Variants in GPC5 observed in about 807,000 individuals in gnomAD.
The protein encoded by GPC5 is glypican 5.
In GPC5, 47 loss-of-function variants were observed where a neutral mutation model predicts 53.9. That is an observed-to-expected ratio of 0.87 (90% CI 0.69 to 1.11). The LOEUF is 1.11. GPC5 is among the 50% of genes most tolerant of loss of function. The pLI, the probability that GPC5 is intolerant of heterozygous loss-of-function variation, is 0.00. For missense variants in GPC5, 748 were observed against 713.1 expected (o/e 1.05, Z -0.56); for synonymous variants, 286 against 263.3 (o/e 1.09, Z -0.84).
intron 2 of GPC5, among the ~76,000 whole-genome samples, chr13:91,562,709 A>C (rs981220555): frequency 6.8e-6 from 1 of 148,128 alleles, no homozygotes; most frequent in Non-Finnish European, 1.5e-5. Flanking sequence ...ATGAGCCACC[A>C]CGCCTGGCCA....
chr13:91,593,899 C>T (rs893988578), intron 2 of GPC5, among the ~76,000 whole-genome samples: 2 of 148,862 alleles, frequency 1.3e-5, no homozygotes, highest in Non-Finnish European at 3.0e-5. Context: ...GAAATGTGCT[C>T]TCACAAAGAA....
rs552057146 is a variant in GPC5, at chr13:91,798,304, G to A, written c.1280+41884G>A. On this transcript the variant is annotated intron_variant, in intron 5 of 7. Coordinates refer to ENST00000377067, the MANE Select transcript of GPC5 (RefSeq NM_004466.6). ...CCATCACCTAGGTATTAAGCCCAAC[G>A]TCCATTAGCTAGCTATTCTTCTTGA... Among the ~76,000 whole-genome samples, 15 of 152,218 alleles carry A rather than the reference G, an allele frequency of 9.9e-5. No individual in the cohort carries two copies. The East Asian group carries it at 1.9e-3, about 20-fold the overall frequency.
At chr13:91,754,997 A>G (rs2037259292) in intron 4 of GPC5, among the ~76,000 whole-genome samples, 1 of 152,122 alleles carries the variant, frequency 6.6e-6, no homozygotes, top group African/African-American at 2.4e-5. Context: ...CTGAGTTTTG[A>G]TGTTACATAT....
intron 6 of GPC5, among the ~76,000 whole-genome samples, chr13:91,909,271 A>C (rs2039586769): frequency 6.6e-6 from 1 of 152,240 alleles, no homozygotes; most frequent in Non-Finnish European, 1.5e-5. Flanking sequence ...GGTACCTCAC[A>C]GTATCGTCCA....
At chr13:92,442,958 T>C (rs1225840162) in intron 7 of GPC5, among the ~76,000 whole-genome samples, 1 of 152,188 alleles carries the variant, frequency 6.6e-6, no homozygotes, top group Non-Finnish European at 1.5e-5. Flanking sequence ...TATGCAACTG[T>C]GTTAGACTGT....
In GPC5 at chr13:92,272,008, C is replaced by G. The variant is rs187062160; in HGVS notation, c.1561+127019C>G. ...TCATCTGATTGTTTATTTTGGGGCT[C>G]AAAGTCTTATTTGGCAAACCTACAT... is the stretch of plus-strand genomic sequence containing the variant. On this transcript the variant is annotated intron_variant, in intron 7 of 7. Coordinates refer to ENST00000377067, the MANE Select transcript of GPC5 (RefSeq NM_004466.6). 1.4e-3 allele frequency among the ~76,000 whole-genome samples: 207 copies of G among 152,236 alleles called. 1 individual carries two copies. Among genetic ancestry groups the G allele is most frequent in the African/African-American group, 4.6e-3 (192 of 41,554 alleles).
intron 7 of GPC5, among the ~76,000 whole-genome samples, chr13:92,216,039 C>T (rs2042407336): frequency 1.3e-5 from 2 of 152,134 alleles, no homozygotes; most frequent in African/African-American, 4.8e-5. Flanking sequence ...TAGGCACAAG[C>T]TCCCTAAACC....
At chr13:91,711,455 G>C (rs753184041) in intron 3 of GPC5, among the ~76,000 whole-genome samples, 14 of 152,014 alleles carry the variant, frequency 9.2e-5, no homozygotes, top group African/African-American at 3.4e-4. Flanking sequence ...GGCCTGTCAG[G>C]GGGTGGGGGA....
At chr13:91,999,324 T>A (rs1428646904) in intron 6 of GPC5, among the ~76,000 whole-genome samples, 1 of 152,164 alleles carries the variant, frequency 6.6e-6, no homozygotes, top group Non-Finnish European at 1.5e-5. Context: ...AAATTCAGAA[T>A]GTGAGAAGGT....
chr13:92,090,333 A>C (rs1025429403), intron 6 of GPC5, among the ~76,000 whole-genome samples: 3 of 152,132 alleles, frequency 2.0e-5, no homozygotes, highest in Non-Finnish European at 4.4e-5. Context: ...TGTAACACCC[A>C]ATATGATGAT....
chr13:92,539,223 C>A (rs1303026559), intron 7 of GPC5, among the ~76,000 whole-genome samples: 1 of 151,518 alleles, frequency 6.6e-6, no homozygotes, highest in African/African-American at 2.4e-5. Flanking sequence ...ATATCTAGTT[C>A]TAGATCCTTG....
intron 6 of GPC5, among the ~76,000 whole-genome samples, chr13:91,973,535 G>A (rs1221349328): frequency 1.3e-5 from 2 of 152,212 alleles, no homozygotes; most frequent in Non-Finnish European, 2.9e-5. Context: ...TGGAGGAGGA[G>A]AGGCACTCTG....
chr13:92,116,044 C>T (rs1165184716), intron 6 of GPC5, among the ~76,000 whole-genome samples: 2 of 151,974 alleles, frequency 1.3e-5, no homozygotes, highest in Non-Finnish European at 2.9e-5. Context: ...TGAGCCCAGA[C>T]ATTCAAGACC....
In GPC5 at chr13:91,428,696, T is replaced by C. The variant is rs1278040514; in HGVS notation, c.164-20065T>C. 2.0e-5 allele frequency among the ~76,000 whole-genome samples: 3 copies of C among 152,156 alleles called. No homozygotes were observed. The East Asian group carries it at 5.8e-4, about 29-fold the overall frequency. ...TATTTGATGAGAACTTCCTGTATTCTTTTTTTAAATCTCGAAATTCAAGAA... is the reference window on the plus strand; with the variant it reads ...TATTTGATGAGAACTTCCTGTATTCCTTTTTTAAATCTCGAAATTCAAGAA... On this transcript the variant is annotated intron_variant, in intron 1 of 7. Coordinates refer to ENST00000377067, the MANE Select transcript of GPC5 (RefSeq NM_004466.6).
chr13:92,288,074 A>G (rs2042968651), intron 7 of GPC5, among the ~76,000 whole-genome samples: 1 of 151,918 alleles, frequency 6.6e-6, no homozygotes, highest in Non-Finnish European at 1.5e-5. Context: ...GCTCTATTAT[A>G]TCTATTTAAA....
At chr13:91,945,115 G>C (rs2039962771) in intron 6 of GPC5, among the ~76,000 whole-genome samples, 1 of 152,062 alleles carries the variant, frequency 6.6e-6, no homozygotes, top group Non-Finnish European at 1.5e-5. Context: ...GATCTATCTT[G>C]GCTTAATATA....
intron 7 of GPC5, among the ~76,000 whole-genome samples, chr13:92,578,659 C>T (rs1883264547): frequency 6.6e-6 from 1 of 152,124 alleles, no homozygotes; most frequent in South Asian, 2.1e-4. Flanking sequence ...TATCTAGTTC[C>T]TACATGGATT....
At chr13:91,793,837 C>T (rs1446910751) in intron 5 of GPC5, among the ~76,000 whole-genome samples, 7 of 152,094 alleles carry the variant, frequency 4.6e-5, no homozygotes, top group African/African-American at 1.7e-4. Context: ...GAGACTCATT[C>T]ACTATCATGA....
intron 7 of GPC5, among the ~76,000 whole-genome samples, chr13:92,777,326 A>C: frequency 3.6e-5 from 4 of 110,726 alleles, no homozygotes; most frequent in Admixed American, 1.2e-4. Context: ...ATAGAGGGAG[A>C]CTCCATCTCA....
Sources: allele counts gnomAD v4.1 joint callset (sites outside exome capture counted in the v4.1 genomes callset), GRCh38; gene constraint gnomAD v4.1.1; transcripts MANE v1.5; gene names NCBI Gene and HGNC (gene_info 2026-07-23, HGNC 2026-07-21).